Variants in AMBRA1 observed in about 807,000 individuals in gnomAD.
The protein encoded by AMBRA1 is activating molecule in BECN1-regulated autophagy protein 1.
A neutral mutation model predicts 125.4 loss-of-function variants in AMBRA1; 47 were observed. The ratio of observed to expected loss-of-function variants is 0.37; its 90% CI spans 0.30 to 0.48. The LOEUF is 0.48. Among genes scored for constraint, AMBRA1 ranks in the 20% least tolerant of loss-of-function variants. The probability of loss-of-function intolerance (pLI) is 0.99; values close to 1 mark genes in which losing one functional copy is unlikely to be tolerated. For missense variants in AMBRA1, 1,331 were observed against 1,693.4 expected (o/e 0.79, Z 3.76); for synonymous variants, 626 against 655.5 (o/e 0.95, Z 0.69).
chr11:46,428,057 C>T (rs1428162964), intron 14 of AMBRA1, among the ~76,000 whole-genome samples: 2 of 149,630 alleles, frequency 1.3e-5, no homozygotes, highest in East Asian at 2.0e-4. Context: ...TCCTTCCCTG[C>T]TGCCTGGGAC....
rs1485167504 is a variant in AMBRA1, at chr11:46,434,866, A to G, written c.2804T>C (p.Leu935Pro). 1 of 1,610,250 alleles carries G rather than the reference A, an allele frequency of 6.2e-7. No individual in the cohort carries two copies. Among genetic ancestry groups the G allele is most frequent in the Non-Finnish European group, 8.5e-7 (1 of 1,178,532 alleles). ...SLAPHNLGEM[L>P]YTKRFGPNAI... ...TCCCTTACCAAATCGCTTGGTGTAG[A>G]GCATTTCGCCCAGGTTATGGGGGGC... The change falls in exon 13 of 18, where the codon CTC (leucine) becomes CCC (proline). Residue 935 changes from leucine to proline, a missense_variant. Leu to Pro is a moderately conservative substitution (Grantham distance 98). This residue lies in a region of AMBRA1 where 354 missense variants were observed against 532.7 expected (regional missense o/e 0.66). Coordinates refer to ENST00000683756, the MANE Select transcript of AMBRA1 (RefSeq NM_001387011.1).
chr11:46,576,977 G>C (rs958160208), intron 1 of AMBRA1, among the ~76,000 whole-genome samples: 2 of 152,170 alleles, frequency 1.3e-5, no homozygotes, highest in African/African-American at 4.8e-5. Flanking sequence ...ACAGGAAAGA[G>C]ATTCTGAGTC....
intron 1 of AMBRA1, among the ~76,000 whole-genome samples, chr11:46,558,282 C>T (rs762337153): frequency 4.0e-5 from 6 of 151,892 alleles, no homozygotes; most frequent in Non-Finnish European, 5.9e-5. Context: ...CGGGCGCAGT[C>T]GCTCACACCT....
chr11:46,428,008 CAAAAAAAAA>C (rs57618324), intron 14 of AMBRA1, among the ~76,000 whole-genome samples: 7 of 63,384 alleles, frequency 1.1e-4, no homozygotes, highest in Non-Finnish European at 2.1e-4. Flanking sequence ...GACTCCATGT[CAAAAAAAAA>C]AAAAAAAAAA....
intron 13 of AMBRA1, among the ~76,000 whole-genome samples, chr11:46,433,976 G>T (rs1441647068): frequency 1.3e-5 from 2 of 151,894 alleles, no homozygotes; most frequent in African/African-American, 4.8e-5. Context: ...TTAGTCAGGC[G>T]TGGTTGCGCA....
chr11:46,542,062 T>C lies in AMBRA1; in HGVS notation c.1955A>G (p.Gln652Arg). The change falls in exon 7 of 18, where the codon CAG becomes CGG. Residue 652 changes from glutamine to arginine, a missense_variant. Gln to Arg is a conservative substitution (Grantham distance 43, BLOSUM62 1). Transcript: ENST00000683756. This position sits in a 1 kb window ranked among gnomAD's most constrained non-coding sequence, Gnocchi z 5.9. Reference protein sequence around the residue: ...EERTVGVAFNQETGHWERIYT... With the variant: ...EERTVGVAFNRETGHWERIYT... ...AATTCTTTCCCAGTGGCCTGTCTCC[T>C]GGTTAAAGGCCACCCCCACAGTCCT... 1.9e-6 allele frequency: 3 copies of C among 1,613,894 alleles called. No individual in the cohort carries two copies. Among genetic ancestry groups the C allele is most frequent in the Non-Finnish European group, 2.5e-6 (3 of 1,179,920 alleles).
intron 1 of AMBRA1, among the ~76,000 whole-genome samples, chr11:46,576,573 A>G (rs140689928): frequency 9.5e-4 from 145 of 152,368 alleles, no homozygotes; most frequent in Non-Finnish European, 1.2e-3. Context: ...AAGATACTTC[A>G]TAATATCCCT....
chr11:46,432,259 A>G (rs986089606), intron 14 of AMBRA1, among the ~76,000 whole-genome samples: 33 of 152,194 alleles, frequency 2.2e-4, no homozygotes, highest in African/African-American at 7.7e-4. Flanking sequence ...ATGATAGCAC[A>G]AGGAACGAGT....
chr11:46,557,468 A>C (rs2043194436), intron 1 of AMBRA1, among the ~76,000 whole-genome samples: 1 of 152,138 alleles, frequency 6.6e-6, no homozygotes, highest in Non-Finnish European at 1.5e-5. Context: ...AGGTCTCCAA[A>C]CCATTTCATA....
At chr11:46,539,124 G>A (rs574551259) in intron 7 of AMBRA1, among the ~76,000 whole-genome samples, 43 of 152,004 alleles carry the variant, frequency 2.8e-4, no homozygotes, top group African/African-American at 9.7e-4. Flanking sequence ...ATAGATTAAA[G>A]AAAGCCAGCC....
chr11:46,471,720 G>A lies in AMBRA1; in HGVS notation c.2521+21888C>T, dbSNP rs536680328. On this transcript the variant is annotated intron_variant, in intron 11 of 17. Transcript: ENST00000683756. ...TCGGCACACTGCAACCTCCACCTCC[G>A]AGGTTCAAGCAATTCCCCTGCCTCA... Among the ~76,000 whole-genome samples the A allele has an allele frequency of 2.6e-5, 4 of 151,476 alleles. No individual in the cohort carries two copies. In the East Asian group the frequency reaches 5.9e-4, roughly 22 times the overall value.
intron 17 of AMBRA1, among the ~76,000 whole-genome samples, chr11:46,401,284 A>C (rs147084075): frequency 6.6e-6 from 1 of 152,094 alleles, no homozygotes; most frequent in East Asian, 1.9e-4. Context: ...TCTGTCGCCC[A>C]GACTGGAGTG....
Position 46,559,192 on chromosome 11 carries a change from C to T in AMBRA1, c.-120-10692G>A, listed in dbSNP as rs534576689. Among the ~76,000 whole-genome samples, 182 of 151,900 alleles carry T rather than the reference C, an allele frequency of 1.2e-3. 1 individual carries two copies. The highest frequency in any genetic ancestry group is 4.2e-3 in the African/African-American group (172 of 41,434). On this transcript the variant is annotated intron_variant, in intron 1 of 17. Transcript: ENST00000683756. ...GCACGCCCCTGTAATCCCAGCTACT[C>T]GGGAGACTGAGGTGGGAGAATTGCT...
chr11:46,419,614 C>T (rs1946746623), intron 14 of AMBRA1, among the ~76,000 whole-genome samples: 1 of 152,248 alleles, frequency 6.6e-6, no homozygotes, highest in South Asian at 2.1e-4. Context: ...GAGTTTATTT[C>T]CCTTCTTGCT....
At chr11:46,570,094 C>T (rs1355904651) in intron 1 of AMBRA1, among the ~76,000 whole-genome samples, 2 of 151,838 alleles carry the variant, frequency 1.3e-5, no homozygotes, top group Non-Finnish European at 1.5e-5. Flanking sequence ...AATCCTGTCG[C>T]TACTAAAAAT....
At chr11:46,479,855 A>G (rs893206240) in intron 11 of AMBRA1, among the ~76,000 whole-genome samples, 1 of 152,186 alleles carries the variant, frequency 6.6e-6, no homozygotes, top group African/African-American at 2.4e-5. Flanking sequence ...CATAACAACA[A>G]GCAGAAACTT....
chr11:46,573,115 AG>A (rs2043824357), intron 1 of AMBRA1, among the ~76,000 whole-genome samples: 1 of 150,220 alleles, frequency 6.7e-6, no homozygotes, highest in African/African-American at 2.5e-5. Flanking sequence ...AAAAAAAAAA[AG>A]GATTCTGGCC....
chr11:46,446,074 G>C (rs1168936026), intron 11 of AMBRA1, among the ~76,000 whole-genome samples: 1 of 152,204 alleles, frequency 6.6e-6, no homozygotes, highest in African/African-American at 2.4e-5. Flanking sequence ...CTGGAGAACA[G>C]CTGTGCCATA....
intron 11 of AMBRA1, among the ~76,000 whole-genome samples, chr11:46,456,658 C>T (rs1259917141): frequency 2.0e-5 from 3 of 152,188 alleles, no homozygotes; most frequent in African/African-American, 7.2e-5. Context: ...TTGGTGGAAG[C>T]ACAAGCGAGT....
Sources: gnomAD v4.1 joint callset for allele counts (sites outside exome capture counted in the v4.1 genomes callset) on GRCh38, gnomAD v4.1.1 for gene constraint, gnomAD v4.1.1 regional missense constraint, Gnocchi (gnomAD v3.1) non-coding constraint, MANE v1.5 for transcripts, NCBI Gene and HGNC (gene_info 2026-07-23, HGNC 2026-07-21) for gene names.